CADM2: variants seen among roughly 807,000 people sequenced by gnomAD.
The protein encoded by CADM2 is immunoglobulin superfamily member 4D.
Under a neutral mutation model 49.8 loss-of-function variants are expected in CADM2, and 12 were observed. That is an observed-to-expected ratio of 0.24 (90% CI 0.15 to 0.39). The LOEUF is 0.39. Ranked by LOEUF, CADM2 falls within the 10% of genes least tolerant of loss-of-function variation. The pLI, the probability that CADM2 is intolerant of heterozygous loss-of-function variation, is 1.00. For synonymous variants in CADM2, 214 were observed against 175.4 expected, an observed-to-expected ratio of 1.22 and a Z score of -1.74; for missense variants, 378 against 492.3, an observed-to-expected ratio of 0.77 and a Z score of 2.20.
At chr3:85,388,363 G>C (rs1469958408) in intron 1 of CADM2, among the ~76,000 whole-genome samples, 1 of 152,156 alleles carries the variant, frequency 6.6e-6, no homozygotes, top group Non-Finnish European at 1.5e-5. Flanking sequence ...ACAATAATAT[G>C]TTTGGCCATG....
intron 1 of CADM2, among the ~76,000 whole-genome samples, chr3:85,098,254 T>C (rs2037877124): frequency 9.7e-6 from 1 of 103,172 alleles, no homozygotes; most frequent in South Asian, 3.2e-4. Context: ...GACATTATCG[T>C]AGAAAAAAAA....
chr3:85,881,324 T>C (rs778523452), intron 3 of CADM2, among the ~76,000 whole-genome samples: 1 of 152,156 alleles, frequency 6.6e-6, no homozygotes, highest in Non-Finnish European at 1.5e-5. Context: ...TATTAAAGTA[T>C]TTTTATAATG....
chr3:85,503,987 G>A (rs2040216764), intron 1 of CADM2, among the ~76,000 whole-genome samples: 1 of 152,192 alleles, frequency 6.6e-6, no homozygotes, highest in Non-Finnish European at 1.5e-5. Flanking sequence ...CAGTTCAGAT[G>A]TTTATGACAA....
chr3:85,512,013 ACT>A (rs1158812415), intron 1 of CADM2: 2 of 299,274 alleles, frequency 6.7e-6, no homozygotes, highest in African/African-American at 2.3e-5. Context: ...ATTTTTTTCA[ACT>A]CTCATTACAT....
intron 1 of CADM2, among the ~76,000 whole-genome samples, chr3:85,023,901 T>C (rs1389796608): frequency 6.6e-6 from 1 of 152,094 alleles, no homozygotes; most frequent in Non-Finnish European, 1.5e-5. Flanking sequence ...GATCATTTAT[T>C]ATTTATGTTA....
intron 1 of CADM2, among the ~76,000 whole-genome samples, chr3:85,530,946 C>G (rs1026861316): frequency 1.3e-5 from 2 of 150,016 alleles, no homozygotes; most frequent in African/African-American, 4.9e-5. Flanking sequence ...CAGGGGGTTC[C>G]TTAATATTCC....
At chr3:85,117,802 C>G (rs767332756) in intron 1 of CADM2, among the ~76,000 whole-genome samples, 7 of 152,062 alleles carry the variant, frequency 4.6e-5, no homozygotes, top group Admixed American at 1.3e-4. Context: ...GTCTATTTCA[C>G]TGGTTATTTT....
At chr3:85,425,208 G>A (rs1238702409) in intron 1 of CADM2, among the ~76,000 whole-genome samples, 2 of 152,148 alleles carry the variant, frequency 1.3e-5, no homozygotes, top group Non-Finnish European at 2.9e-5. Context: ...ATTCTAAATA[G>A]AAAGTGATGT....
intron 2 of CADM2, among the ~76,000 whole-genome samples, chr3:85,743,922 A>G (rs1214426509): frequency 1.3e-5 from 2 of 152,170 alleles, no homozygotes; most frequent in Middle Eastern, 3.2e-3. Flanking sequence ...TAAATTGTAA[A>G]ATAATTATTA....
chr3:86,001,298 G>A (rs1577913053), intron 8 of CADM2, among the ~76,000 whole-genome samples: 1 of 152,152 alleles, frequency 6.6e-6, no homozygotes, highest in East Asian at 1.9e-4. Flanking sequence ...ATACAGATCT[G>A]GAACTCAGAT....
intron 8 of CADM2, among the ~76,000 whole-genome samples, chr3:86,057,859 G>A (rs1297995464): frequency 5.9e-5 from 9 of 152,040 alleles, no homozygotes; most frequent in Admixed American, 5.9e-4. Flanking sequence ...CAGACTATGT[G>A]GAAAAATAAA....
intron 1 of CADM2, among the ~76,000 whole-genome samples, chr3:85,321,116 A>ATATTTTTTTTTTTTTTTTTTTTTT (rs2044596196): frequency 3.6e-5 from 1 of 27,496 alleles, no homozygotes; most frequent in Non-Finnish European, 6.5e-5. Context: ...ATATATATAT[A>ATATTTTTTTTTTTTTTTTTTTTTT]TTTTTTTTTT....
intron 5 of CADM2, among the ~76,000 whole-genome samples, chr3:85,889,383 C>G (rs1410018036): frequency 6.6e-6 from 1 of 152,144 alleles, no homozygotes; most frequent in Non-Finnish European, 1.5e-5. Flanking sequence ...TGCTGAATCT[C>G]AGATTATCAG....
intron 8 of CADM2, among the ~76,000 whole-genome samples, chr3:86,010,229 CTG>C (rs1731331694): frequency 6.6e-6 from 1 of 151,798 alleles, no homozygotes; most frequent in Admixed American, 6.6e-5. Flanking sequence ...TCTGAGTAAA[CTG>C]AAGAATAACA....
At chr3:85,402,561 TA>T (rs527420770) in intron 1 of CADM2, among the ~76,000 whole-genome samples, 1,533 of 151,502 alleles carry the variant, frequency 0.01, 24 homozygotes, top group African/African-American at 0.034. Context: ...GCACCTAATA[TA>T]AAAAAAAATC....
chr3:85,444,888 G>A (rs989088050), intron 1 of CADM2, among the ~76,000 whole-genome samples: 1 of 152,116 alleles, frequency 6.6e-6, no homozygotes, highest in Non-Finnish European at 1.5e-5. Flanking sequence ...GGGAGTTGCA[G>A]TCTAGCACAG....
chr3:85,345,945 T>A (rs568085144), intron 1 of CADM2, among the ~76,000 whole-genome samples: 22 of 152,308 alleles, frequency 1.4e-4, no homozygotes, highest in African/African-American at 5.3e-4. Flanking sequence ...ATGCATACAT[T>A]TATATTCAGA....
chr3:85,264,845 A>G (rs2043087993), intron 1 of CADM2, among the ~76,000 whole-genome samples: 1 of 152,028 alleles, frequency 6.6e-6, no homozygotes, highest in Admixed American at 6.6e-5. Flanking sequence ...AATAATGGTT[A>G]TGTTTGACAA....
chr3:85,502,305 C>T (rs1206144183), intron 1 of CADM2, among the ~76,000 whole-genome samples: 1 of 151,908 alleles, frequency 6.6e-6, no homozygotes, highest in African/African-American at 2.4e-5. Context: ...TCAGGTCTTG[C>T]AAAGGAAAAC....
Sources: gnomAD v4.1 joint callset for allele counts (sites outside exome capture counted in the v4.1 genomes callset) on GRCh38, gnomAD v4.1.1 for gene constraint, MANE v1.5 for transcripts, NCBI Gene and HGNC (gene_info 2026-07-23, HGNC 2026-07-21) for gene names.